UBE2E2: variants seen among roughly 807,000 people sequenced by gnomAD.
UBE2E2 encodes the protein ubiquitin-conjugating enzyme E2 E2.
In UBE2E2, 6 loss-of-function variants were observed where a neutral mutation model predicts 24.7. That is an observed-to-expected ratio of 0.24 (90% CI 0.13 to 0.48). UBE2E2 has a LOEUF of 0.48. UBE2E2 is among the 20% of genes least tolerant of loss of function. UBE2E2 has a pLI of 0.99. For synonymous variants in UBE2E2, 104 were observed against 83.6 expected (o/e 1.24, Z -1.33); for missense variants, 169 against 245.0 (o/e 0.69, Z 2.07).
intron 3 of UBE2E2, among the ~76,000 whole-genome samples, chr3:23,418,549 G>A (rs1168977496): frequency 6.6e-6 from 1 of 152,168 alleles, no homozygotes; most frequent in Admixed American, 6.5e-5. Context: ...TACCATGTTG[G>A]CCAGGCTGTT....
intron 3 of UBE2E2, among the ~76,000 whole-genome samples, chr3:23,312,127 T>TA (rs1270902058): frequency 1.3e-5 from 2 of 152,170 alleles, no homozygotes; most frequent in Admixed American, 1.3e-4. Context: ...GTGAGATGCC[T>TA]GCTCGCCCTT....
intron 4 of UBE2E2, among the ~76,000 whole-genome samples, chr3:23,510,679 C>T (rs934226410): frequency 2.6e-5 from 4 of 151,980 alleles, no homozygotes; most frequent in Non-Finnish European, 5.9e-5. Context: ...TATAAGCATA[C>T]CTATTCTAAA....
chr3:23,324,669 C>T (rs1694835895), intron 3 of UBE2E2, among the ~76,000 whole-genome samples: 2 of 151,596 alleles, frequency 1.3e-5, no homozygotes. Context: ...TTTTTTGTAT[C>T]CTGTTATCAC....
At chr3:23,234,547 G>A (rs1697054932) in intron 3 of UBE2E2, among the ~76,000 whole-genome samples, 1 of 152,160 alleles carries the variant, frequency 6.6e-6, no homozygotes, top group Non-Finnish European at 1.5e-5. Context: ...CTAGGTAAGA[G>A]ATTAGGTAGG....
At chr3:23,448,472 A>C (rs1197334161) in intron 3 of UBE2E2, among the ~76,000 whole-genome samples, 2 of 152,192 alleles carry the variant, frequency 1.3e-5, no homozygotes, top group East Asian at 3.9e-4. Context: ...TAGTCTACTA[A>C]GTTAGTATTT....
intron 3 of UBE2E2, among the ~76,000 whole-genome samples, chr3:23,452,536 G>A (rs1205942048): frequency 6.6e-6 from 1 of 152,128 alleles, no homozygotes; most frequent in Non-Finnish European, 1.5e-5. Context: ...GAATTCTAGT[G>A]CACACTGACC....
chr3:23,411,491 C>G (rs570886565), intron 3 of UBE2E2, among the ~76,000 whole-genome samples: 1 of 152,112 alleles, frequency 6.6e-6, no homozygotes, highest in Non-Finnish European at 1.5e-5. Context: ...CAGGATAATT[C>G]GAGACCTCAC....
chr3:23,444,305 T>G (rs1175696139), intron 3 of UBE2E2, among the ~76,000 whole-genome samples: 1 of 152,160 alleles, frequency 6.6e-6, no homozygotes, highest in Non-Finnish European at 1.5e-5. Flanking sequence ...CTTCTTGTGG[T>G]GGTCCAGATT....
At chr3:23,374,516 G>A (rs1696471637) in intron 3 of UBE2E2, among the ~76,000 whole-genome samples, 1 of 152,106 alleles carries the variant, frequency 6.6e-6, no homozygotes, top group Admixed American at 6.6e-5. Flanking sequence ...ATAGTTAATG[G>A]CCTCAGTGGC....
chr3:23,355,264 G>A (rs1254211896), intron 3 of UBE2E2, among the ~76,000 whole-genome samples: 3 of 151,618 alleles, frequency 2.0e-5, no homozygotes, highest in African/African-American at 7.3e-5. Context: ...AGCATTAGGA[G>A]ATATACCTAA....
chr3:23,480,658 A>G (rs1347196067), intron 3 of UBE2E2, among the ~76,000 whole-genome samples: 1 of 152,080 alleles, frequency 6.6e-6, no homozygotes, highest in Non-Finnish European at 1.5e-5. Flanking sequence ...AAGAGGATTC[A>G]GAGATCCAAG....
intron 3 of UBE2E2, among the ~76,000 whole-genome samples, chr3:23,492,423 A>C (rs570103614): frequency 6.6e-6 from 1 of 152,282 alleles, no homozygotes; most frequent in East Asian, 1.9e-4. Context: ...GGGACTGAAC[A>C]CCTATTCTTC....
chr3:23,291,164 A>G (rs1478750858), intron 3 of UBE2E2, among the ~76,000 whole-genome samples: 1 of 151,874 alleles, frequency 6.6e-6, no homozygotes, highest in African/African-American at 2.4e-5. Flanking sequence ...GGGTAGATGC[A>G]TAGCTTGGCC....
rs116508330 is a variant in UBE2E2 at position 23,476,260 on chromosome 3, G to T, written c.228-23348G>T. Among the ~76,000 whole-genome samples, 1,204 of 152,136 alleles carry T rather than the reference G, an allele frequency of 7.9e-3. 26 individuals are homozygous for T. Among genetic ancestry groups the T allele is most frequent in the African/African-American group, 0.028 (1,143 of 41,432 alleles). ...TTTTGAAACTTAAGAAATAGAATTG[G>T]TGTTTTGAAAACTTGGATATTGTCG... is the stretch of plus-strand genomic sequence containing the variant. On this transcript the variant is annotated intron_variant, in intron 3 of 5. Coordinates refer to ENST00000396703, the MANE Select transcript of UBE2E2 (RefSeq NM_152653.4).
At chr3:23,504,173 T>C (rs1352836885) in intron 4 of UBE2E2, among the ~76,000 whole-genome samples, 2 of 152,196 alleles carry the variant, frequency 1.3e-5, no homozygotes, top group African/African-American at 4.8e-5. Context: ...TTTACAAAAA[T>C]TGGGCCATAC....
Position 23,277,467 on chromosome 3 carries a change from A to G in UBE2E2, c.227+60155A>G, listed in dbSNP as rs184044086. 2.5e-3 allele frequency among the ~76,000 whole-genome samples: 384 copies of G among 152,242 alleles called. 3 individuals carry two copies. The highest frequency in any genetic ancestry group is 8.8e-3 in the African/African-American group (367 of 41,576). The stretch of plus-strand genomic sequence containing the variant: ...TGTGTTTACTGTGTAAACCTCATAG[A>G]CTATCTAACTCTAAGAACTAGAGCC... On this transcript the variant is annotated intron_variant, in intron 3 of 5. Transcript: ENST00000396703.
At chr3:23,532,328 G>T (rs1318686535) in intron 4 of UBE2E2, among the ~76,000 whole-genome samples, 2 of 152,076 alleles carry the variant, frequency 1.3e-5, no homozygotes, top group East Asian at 3.9e-4. Flanking sequence ...GAATGTCATG[G>T]TTTTGCTGTT....
intron 4 of UBE2E2, among the ~76,000 whole-genome samples, chr3:23,507,713 C>T (rs947269491): frequency 6.6e-6 from 1 of 152,104 alleles, no homozygotes; most frequent in Non-Finnish European, 1.5e-5. Flanking sequence ...AATACTTGTT[C>T]CTGGATTATA....
At chr3:23,374,353 A>G (rs1229382015) in intron 3 of UBE2E2, among the ~76,000 whole-genome samples, 4 of 152,228 alleles carry the variant, frequency 2.6e-5, no homozygotes, top group African/African-American at 9.6e-5. Context: ...AAGACAGATT[A>G]TGTAAATTAT....
Sources: allele counts gnomAD v4.1 joint callset (sites outside exome capture counted in the v4.1 genomes callset), GRCh38; gene constraint gnomAD v4.1.1; transcripts MANE v1.5; gene names NCBI Gene and HGNC (gene_info 2026-07-23, HGNC 2026-07-21).